PPP1R9A: variants seen among roughly 807,000 people sequenced by gnomAD.
PPP1R9A encodes neurabin-1.
A neutral mutation model predicts 141.9 loss-of-function variants in PPP1R9A; 59 were observed. The observed-to-expected ratio is 0.42, with a 90% CI of 0.34 to 0.52. The LOEUF (loss-of-function observed/expected upper bound fraction) is 0.52. PPP1R9A is among the 20% of genes least tolerant of loss of function. The pLI is 0.10. For missense variants in PPP1R9A, 1,444 were observed against 1,611.9 expected, an observed-to-expected ratio of 0.90 and a Z score of 1.78; for synonymous variants, 500 against 569.7, an observed-to-expected ratio of 0.88 and a Z score of 1.74.
At chr7:94,937,192 C>T (rs1253031282) in intron 2 of PPP1R9A, among the ~76,000 whole-genome samples, 1 of 152,074 alleles carries the variant, frequency 6.6e-6, no homozygotes, top group African/African-American at 2.4e-5. Context: ...GGGATAGGCT[C>T]CTAGAAGTAG....
At chr7:95,234,154 C>T (rs569580981) in intron 8 of PPP1R9A, among the ~76,000 whole-genome samples, 1 of 152,084 alleles carries the variant, frequency 6.6e-6, no homozygotes, top group African/African-American at 2.4e-5. Flanking sequence ...TACTTGCATT[C>T]AACATAGTAC....
At chr7:94,988,122 T>A (rs1801073103) in intron 2 of PPP1R9A, among the ~76,000 whole-genome samples, 1 of 152,134 alleles carries the variant, frequency 6.6e-6, no homozygotes, top group Admixed American at 6.6e-5. Context: ...TGGGAAACTC[T>A]GCCTGCTGAT....
intron 5 of PPP1R9A, among the ~76,000 whole-genome samples, chr7:95,192,234 C>T (rs1199533180): frequency 6.6e-6 from 1 of 151,778 alleles, no homozygotes; most frequent in African/African-American, 2.4e-5. Flanking sequence ...ATCATTTCAT[C>T]GTGTTTATTA....
Position 94,910,505 on chromosome 7 carries a change from A to T in PPP1R9A, c.392A>T (p.Tyr131Phe). 1.2e-6 allele frequency: 2 copies of T among 1,614,230 alleles called. No individual in the cohort carries two copies. Among genetic ancestry groups the T allele is most frequent in the Non-Finnish European group, 1.7e-6 (2 of 1,180,046 alleles). ...CGAATTAGTAGATTTGACACTATGT[A>T]CGATGGCCCTTCATATTCCAAGTTC... Reference protein sequence around the residue: ...SERISRFDTMYDGPSYSKFTE... With the variant: ...SERISRFDTMFDGPSYSKFTE... Residue 131 changes from tyrosine to phenylalanine, a missense_variant, in exon 2 of 20, where the codon TAC becomes TTC. By Grantham distance (22) the Tyr-to-Phe change is conservative (BLOSUM62 3). This residue lies in a region of PPP1R9A where 490 missense variants were observed against 521.1 expected (regional missense o/e 0.94). Coordinates refer to ENST00000433360, the MANE Select transcript of PPP1R9A (RefSeq NM_001166160.2). This position sits in a 1 kb window ranked among gnomAD's most constrained non-coding sequence, Gnocchi z 4.5.
chr7:95,116,675 A>T (rs1821581678), intron 3 of PPP1R9A, among the ~76,000 whole-genome samples: 1 of 152,194 alleles, frequency 6.6e-6, no homozygotes, highest in Non-Finnish European at 1.5e-5. Context: ...AAAAAACAGT[A>T]TTAAATTTTT....
At chr7:95,130,868 G>A (rs1824474647) in intron 4 of PPP1R9A, among the ~76,000 whole-genome samples, 1 of 152,194 alleles carries the variant, frequency 6.6e-6, no homozygotes, top group Non-Finnish European at 1.5e-5. Flanking sequence ...TGGAACAGCA[G>A]TATTTAACCA....
At chr7:94,985,060 A>G (rs1366608742) in intron 2 of PPP1R9A, among the ~76,000 whole-genome samples, 1 of 152,154 alleles carries the variant, frequency 6.6e-6, no homozygotes, top group Non-Finnish European at 1.5e-5. Context: ...TTCAAAGTAC[A>G]TCTTTATTTC....
At position 95,083,146 on chromosome 7, in the gene PPP1R9A, A is replaced by G. The variant is rs575256188; in HGVS notation, c.1396-28113A>G. ...AGAGAAAAGCATATATATTTTGTAT[A>G]TATTTTATGTGATATAGGAGCCTTC... On this transcript the variant is annotated intron_variant, in intron 2 of 19. Transcript: ENST00000433360. Among the ~76,000 whole-genome samples, 8 of 152,086 alleles carry G rather than the reference A, an allele frequency of 5.3e-5. 1 individual carries two copies. Among genetic ancestry groups the G allele is most frequent in the African/African-American group, 1.5e-4 (6 of 41,366 alleles).
intron 2 of PPP1R9A, among the ~76,000 whole-genome samples, chr7:95,074,392 C>T (rs933098145): frequency 6.0e-5 from 9 of 151,070 alleles, no homozygotes; most frequent in African/African-American, 2.2e-4. Flanking sequence ...GGATTTTGTA[C>T]TTGTGAAGTA....
In PPP1R9A at chr7:95,274,387, T is replaced by G. The variant is rs560985881; in HGVS notation, c.3296+219T>G. 4.9e-4 allele frequency among the ~76,000 whole-genome samples: 74 copies of G among 152,222 alleles called. No homozygotes were observed. The highest frequency in any genetic ancestry group is 9.0e-4 in the Non-Finnish European group (61 of 68,034). On this transcript the variant is annotated intron_variant, in intron 16 of 19. Transcript: ENST00000433360. The stretch of plus-strand genomic sequence containing the variant: ...TATCCATTGGTTCTTAATTGCAGAA[T>G]TATGGCCACATGAACCATTTCAATA...
chr7:95,206,347 AT>A (rs921992566), intron 7 of PPP1R9A, among the ~76,000 whole-genome samples: 16 of 152,222 alleles, frequency 1.1e-4, no homozygotes, highest in Admixed American at 3.9e-4. Flanking sequence ...TCCTAAAGGG[AT>A]TTTTTTAATG....
chr7:95,175,830 T>C (rs1483609423), intron 5 of PPP1R9A, among the ~76,000 whole-genome samples: 2 of 152,170 alleles, frequency 1.3e-5, no homozygotes, highest in African/African-American at 4.8e-5. Flanking sequence ...TAACTTCTGA[T>C]GGTCATAATT....
intron 2 of PPP1R9A, among the ~76,000 whole-genome samples, chr7:95,072,579 T>C (rs904414432): frequency 2.9e-4 from 39 of 135,112 alleles, no homozygotes; most frequent in African/African-American, 1.0e-3. Flanking sequence ...TATCTCATTA[T>C]AGGAAATTTT....
intron 11 of PPP1R9A, 39 bp from the exon 12 acceptor site, chr7:95,251,920 G>C: frequency 6.2e-7 from 1 of 1,608,252 alleles, no homozygotes; most frequent in Non-Finnish European, 8.5e-7. Context: ...GGAGGGGAGC[G>C]CTAGTTTAGA....
At chr7:95,184,657 C>A (rs1413123576) in intron 5 of PPP1R9A, among the ~76,000 whole-genome samples, 1 of 152,112 alleles carries the variant, frequency 6.6e-6, no homozygotes, top group Non-Finnish European at 1.5e-5. Flanking sequence ...TCCCTTATAA[C>A]GTTTTTATGC....
At chr7:95,181,376 A>G (rs1833748448) in intron 5 of PPP1R9A, among the ~76,000 whole-genome samples, 1 of 136,604 alleles carries the variant, frequency 7.3e-6, no homozygotes, top group African/African-American at 2.8e-5. Context: ...TATGGAATAT[A>G]TAGAGAGAAT....
chr7:94,970,090 G>C (rs1334056789), intron 2 of PPP1R9A, among the ~76,000 whole-genome samples: 1 of 152,128 alleles, frequency 6.6e-6, no homozygotes, highest in Non-Finnish European at 1.5e-5. Flanking sequence ...GGGCTCCATG[G>C]GGGTGGGATC....
chr7:95,194,218 A>G (rs1291829669), intron 5 of PPP1R9A, among the ~76,000 whole-genome samples: 1 of 152,058 alleles, frequency 6.6e-6, no homozygotes, highest in East Asian at 1.9e-4. Context: ...AATTTCTGAC[A>G]TTTAAAAATT....
At chr7:95,092,019 C>T (rs1020470783) in intron 2 of PPP1R9A, among the ~76,000 whole-genome samples, 9 of 152,020 alleles carry the variant, frequency 5.9e-5, no homozygotes, top group African/African-American at 1.9e-4. Context: ...GACACCTATC[C>T]CAGAAGAATC....
Sources: allele counts gnomAD v4.1 joint callset (sites outside exome capture counted in the v4.1 genomes callset), GRCh38; gene constraint gnomAD v4.1.1; regional missense constraint gnomAD v4.1.1; non-coding constraint Gnocchi (gnomAD v3.1); transcripts MANE v1.5; gene names NCBI Gene and HGNC (gene_info 2026-07-23, HGNC 2026-07-21).